WWC1: variants seen among roughly 807,000 people sequenced by gnomAD.
WWC1 encodes protein KIBRA.
In WWC1, 55 loss-of-function variants were observed where a neutral mutation model predicts 138.4. The ratio of observed to expected loss-of-function variants is 0.40; its 90% CI spans 0.32 to 0.50. The LOEUF (loss-of-function observed/expected upper bound fraction) is 0.50, where lower values mean the gene tolerates loss of function less well. Ranked by LOEUF, WWC1 falls within the 20% of genes least tolerant of loss-of-function variation. The pLI, the probability that WWC1 is intolerant of heterozygous loss-of-function variation, is 0.72. For missense variants in WWC1, 1,226 were observed against 1,420.4 expected, an observed-to-expected ratio of 0.86 and a Z score of 2.20; for synonymous variants, 524 against 564.9, an observed-to-expected ratio of 0.93 and a Z score of 1.03.
intron 5 of WWC1, among the ~76,000 whole-genome samples, chr5:168,405,718 TTTTC>T (rs1340237268): frequency 2.0e-5 from 3 of 151,084 alleles, no homozygotes; most frequent in Non-Finnish European, 4.4e-5. Context: ...TTTTTTTTCC[TTTTC>T]TTTCTTTCTT....
chr5:168,403,799 A>G (rs1248062832), intron 5 of WWC1, among the ~76,000 whole-genome samples: 1 of 151,022 alleles, frequency 6.6e-6, no homozygotes, highest in Non-Finnish European at 1.5e-5. Flanking sequence ...CTCTGTGGCT[A>G]CTGGGTATGT....
chr5:168,456,843 G>T (rs1408537037), intron 19 of WWC1, among the ~76,000 whole-genome samples: 3 of 152,086 alleles, frequency 2.0e-5, no homozygotes, highest in African/African-American at 7.2e-5. Context: ...GAATGTGGTT[G>T]TAATTTTGTT....
At chr5:168,363,454 G>A (rs1289911982) in intron 1 of WWC1, among the ~76,000 whole-genome samples, 2 of 139,690 alleles carry the variant, frequency 1.4e-5, no homozygotes, top group East Asian at 4.5e-4. Context: ...AACCCTGGGA[G>A]GTAGAGATTG....
intron 3 of WWC1, among the ~76,000 whole-genome samples, chr5:168,395,249 C>G (rs12659967): frequency 0.028 from 4,280 of 152,304 alleles, 130 homozygotes; most frequent in East Asian, 0.17. Flanking sequence ...TCCAGAGGCA[C>G]AGCCTGATGA....
intron 1 of WWC1, among the ~76,000 whole-genome samples, chr5:168,342,659 C>T (rs1169956564): frequency 6.6e-6 from 1 of 151,970 alleles, no homozygotes; most frequent in Non-Finnish European, 1.5e-5. Flanking sequence ...GGAAGGTATG[C>T]AGGGACTATA....
At chr5:168,427,548 A>ATTTTTTTTTTTTTTTTTTTTTTTT (rs34177139) in intron 11 of WWC1, among the ~76,000 whole-genome samples, 1 of 101,150 alleles carries the variant, frequency 9.9e-6, no homozygotes, top group African/African-American at 4.1e-5. Context: ...CTTTTTTTTA[A>ATTTTTTTTTTTTTTTTTTTTTTTT]TTTTTTTTTT....
intron 10 of WWC1, 87 bp from the exon 11 acceptor site, chr5:168,423,446 A>G: frequency 1.4e-6 from 2 of 1,421,280 alleles, no homozygotes; most frequent in Non-Finnish European, 1.9e-6. Context: ...TAGTGAGATC[A>G]TGGTGCTTTC....
At chr5:168,447,490 G>A (rs948911330) in intron 17 of WWC1, among the ~76,000 whole-genome samples, 3 of 152,166 alleles carry the variant, frequency 2.0e-5, no homozygotes, top group Admixed American at 6.5e-5. Flanking sequence ...TATGGACACT[G>A]AAATTTGCAT....
At chr5:168,333,002 C>G (rs559006743) in intron 1 of WWC1, among the ~76,000 whole-genome samples, 2 of 152,342 alleles carry the variant, frequency 1.3e-5, no homozygotes, top group South Asian at 4.1e-4. Context: ...AGCCACTGTG[C>G]CTGGCCATTT....
chr5:168,431,110 G>A (rs1402945494), intron 14 of WWC1, 142 bp from the exon 15 acceptor site: 7 of 714,316 alleles, frequency 9.8e-6, no homozygotes, highest in African/African-American at 3.6e-5. Flanking sequence ...CAGTGTATAG[G>A]GGCCTGATTC....
chr5:168,439,489 C>T (rs1316621197), intron 15 of WWC1, among the ~76,000 whole-genome samples: 1 of 149,538 alleles, frequency 6.7e-6, no homozygotes, highest in African/African-American at 2.5e-5. Flanking sequence ...AAAAAAAGGC[C>T]AGGCGTGGTG....
intron 1 of WWC1, among the ~76,000 whole-genome samples, chr5:168,303,833 C>G (rs1454198090): frequency 6.6e-6 from 1 of 152,110 alleles, no homozygotes; most frequent in Non-Finnish European, 1.5e-5. Context: ...AGGGGACTTT[C>G]CCTACTTCAA....
At chr5:168,467,776 A>G in intron 21 of WWC1, 64 bp from the exon 22 acceptor site, 1 of 1,608,508 alleles carries the variant, frequency 6.2e-7, no homozygotes, top group Non-Finnish European at 8.5e-7. Context: ...TGTGATAGCG[A>G]GTTCTCCTTG....
intron 15 of WWC1, among the ~76,000 whole-genome samples, chr5:168,433,352 G>T (rs1346151856): frequency 2.6e-5 from 4 of 152,210 alleles, no homozygotes; most frequent in Non-Finnish European, 4.4e-5. Flanking sequence ...CACACTTTGG[G>T]TAGCAAGAAT....
intron 1 of WWC1, among the ~76,000 whole-genome samples, chr5:168,309,797 G>C (rs1421864790): frequency 6.6e-6 from 1 of 151,990 alleles, no homozygotes; most frequent in Non-Finnish European, 1.5e-5. Flanking sequence ...TCTTCCCTAG[G>C]GGTGTCCTGT....
At chr5:168,398,714 G>T (rs1181083121) in intron 4 of WWC1, among the ~76,000 whole-genome samples, 3 of 152,170 alleles carry the variant, frequency 2.0e-5, no homozygotes, top group Non-Finnish European at 2.9e-5. Context: ...TCAGATGCCT[G>T]CAAGAAGACA....
chr5:168,463,989 G>C (rs1436468531), intron 20 of WWC1, among the ~76,000 whole-genome samples: 2 of 152,166 alleles, frequency 1.3e-5, no homozygotes, highest in Non-Finnish European at 2.9e-5. Context: ...TGCCAGAATT[G>C]AGTATTAATG....
chr5:168,383,057 T>A (rs572317365), intron 2 of WWC1, among the ~76,000 whole-genome samples: 8 of 151,750 alleles, frequency 5.3e-5, no homozygotes, highest in Admixed American at 3.3e-4. Flanking sequence ...GCGCCTGTAA[T>A]CCCAGCTACT....
At chr5:168,382,220 A>G (rs375325008) in intron 2 of WWC1, among the ~76,000 whole-genome samples, 2 of 152,198 alleles carry the variant, frequency 1.3e-5, no homozygotes, top group African/African-American at 4.8e-5. Context: ...TCATTTGGAG[A>G]TGAAAACAAG....
Sources: allele counts gnomAD v4.1 joint callset (sites outside exome capture counted in the v4.1 genomes callset), GRCh38; gene constraint gnomAD v4.1.1; transcripts MANE v1.5; gene names NCBI Gene and HGNC (gene_info 2026-07-23, HGNC 2026-07-21).